EFCAB6: variants seen among roughly 807,000 people sequenced by gnomAD.
EFCAB6 encodes EF-hand calcium-binding domain-containing protein 6.
A neutral mutation model predicts 169.8 loss-of-function variants in EFCAB6; 156 were observed. The observed-to-expected ratio is 0.92, with a 90% CI of 0.81 to 1.05. The LOEUF is 1.05. Among genes scored for constraint, EFCAB6 ranks in the 50% least tolerant of loss-of-function variants. The pLI, the probability that EFCAB6 is intolerant of heterozygous loss-of-function variation, is 0.00. For synonymous variants in EFCAB6, 698 were observed against 676.4 expected (o/e 1.03, Z -0.50); for missense variants, 1,800 against 1,829.1 (o/e 0.98, Z 0.29).
rs565041327 is a variant in EFCAB6, at chr22:43,665,047, A to C, written c.1983+2057T>G. On this transcript the variant is annotated intron_variant, in intron 17 of 31. Coordinates refer to ENST00000262726, the MANE Select transcript of EFCAB6 (RefSeq NM_022785.4). Reference sequence around the variant, plus strand: ...AATTGGATGTGGGTACAAGAGGAAGAGGAGACTCAGTAAAGATGACTAGAT... The same window carrying C: ...AATTGGATGTGGGTACAAGAGGAAGCGGAGACTCAGTAAAGATGACTAGAT... Among the ~76,000 whole-genome samples the C allele has an allele frequency of 3.9e-5, 6 of 152,290 alleles. No individual in the cohort carries two copies. The East Asian group carries it at 1.2e-3, about 29-fold the overall frequency.
intron 5 of EFCAB6, among the ~76,000 whole-genome samples, chr22:43,757,798 T>A (rs553609464): frequency 6.6e-6 from 1 of 152,250 alleles, no homozygotes; most frequent in East Asian, 1.9e-4. Context: ...CTTATCTACA[T>A]CTTGCTTCCC....
intron 24 of EFCAB6, among the ~76,000 whole-genome samples, chr22:43,583,251 G>A (rs1461389186): frequency 1.3e-5 from 2 of 151,462 alleles, no homozygotes; most frequent in Non-Finnish European, 2.9e-5. Context: ...CCCATGCTTG[G>A]TTCTTTGTAT....
chr22:43,775,895 G>C (rs2147998020), intron 3 of EFCAB6, among the ~76,000 whole-genome samples: 1 of 152,338 alleles, frequency 6.6e-6, no homozygotes, highest in South Asian at 2.1e-4. Context: ...GCCATTCGAG[G>C]ACTCTGGCCC....
chr22:43,726,276 CAAAAAAAAAAAA>C (rs3994547), intron 8 of EFCAB6, among the ~76,000 whole-genome samples: 44 of 59,368 alleles, frequency 7.4e-4, no homozygotes, highest in African/African-American at 3.2e-3. Context: ...AAAAATTCAC[CAAAAAAAAAAAA>C]AAAAAAAAAA....
intron 10 of EFCAB6, among the ~76,000 whole-genome samples, chr22:43,707,694 G>T (rs879381650): frequency 6.6e-6 from 1 of 152,032 alleles, no homozygotes; most frequent in Non-Finnish European, 1.5e-5. Flanking sequence ...AGATATTTTT[G>T]AAAACAAAAA....
intron 26 of EFCAB6, among the ~76,000 whole-genome samples, chr22:43,558,406 A>G (rs2048829530): frequency 6.6e-6 from 1 of 151,110 alleles, no homozygotes; most frequent in Admixed American, 6.6e-5. Context: ...ACACAGGCAT[A>G]CCTCATTTTT....
chr22:43,651,815 T>C (rs1045725212), intron 17 of EFCAB6, among the ~76,000 whole-genome samples: 1 of 152,186 alleles, frequency 6.6e-6, no homozygotes, highest in Non-Finnish European at 1.5e-5. Flanking sequence ...AGCTTTAAGA[T>C]TTGACTGCCC....
chr22:43,539,578 G>T (rs924490283), intron 28 of EFCAB6, among the ~76,000 whole-genome samples: 1 of 152,142 alleles, frequency 6.6e-6, no homozygotes, highest in Non-Finnish European at 1.5e-5. Context: ...AAAAAAAGAG[G>T]CTTGGCAAGC....
intron 3 of EFCAB6, among the ~76,000 whole-genome samples, chr22:43,774,407 C>G (rs1433247622): frequency 6.6e-6 from 1 of 151,448 alleles, no homozygotes; most frequent in Non-Finnish European, 1.5e-5. Context: ...GACCCTAACC[C>G]CATGAGCCAC....
chr22:43,582,335 T>TAC (rs1348416599), intron 24 of EFCAB6, among the ~76,000 whole-genome samples: 81 of 124,316 alleles, frequency 6.5e-4, no homozygotes, highest in African/African-American at 2.1e-3. Context: ...TTCCTTTCTA[T>TAC]ACACATACAC....
At position 43,719,721 on chromosome 22, in the gene EFCAB6, T is replaced by C. The variant is rs576072940; in HGVS notation, c.758-2749A>G. 8.5e-5 allele frequency among the ~76,000 whole-genome samples: 13 copies of C among 152,302 alleles called. No individual in the cohort carries two copies. The East Asian group carries it at 2.3e-3, about 27-fold the overall frequency. On this transcript the variant is annotated intron_variant, in intron 8 of 31. Coordinates refer to ENST00000262726, the MANE Select transcript of EFCAB6 (RefSeq NM_022785.4). ...TTGTTTCCTTATTTACAAGAAGAGATAGAAAACAGTACCTTTGTCATGGAA... is the reference window on the plus strand; with the variant it reads ...TTGTTTCCTTATTTACAAGAAGAGACAGAAAACAGTACCTTTGTCATGGAA...
intron 4 of EFCAB6, among the ~76,000 whole-genome samples, chr22:43,770,305 C>T (rs369141579): frequency 4.6e-5 from 7 of 152,288 alleles, no homozygotes; most frequent in Admixed American, 6.5e-5. Context: ...CTGACCTACT[C>T]ACAGTATGCT....
At chr22:43,796,716 G>T (rs5764305) in intron 2 of EFCAB6, among the ~76,000 whole-genome samples, 133,562 of 152,206 alleles carry the variant, frequency 0.88, 58,659 homozygotes, top group East Asian at 0.99. Flanking sequence ...AGACAAGGAG[G>T]GCTGAGCACA....
intron 28 of EFCAB6, among the ~76,000 whole-genome samples, chr22:43,539,911 C>T (rs1263064876): frequency 6.6e-6 from 1 of 152,200 alleles, no homozygotes; most frequent in Non-Finnish European, 1.5e-5. Context: ...TTCCATCCCA[C>T]TCCTCCACCG....
At chr22:43,541,117 G>A (rs2047691018) in intron 27 of EFCAB6, among the ~76,000 whole-genome samples, 1 of 152,232 alleles carries the variant, frequency 6.6e-6, no homozygotes, top group South Asian at 2.1e-4. Flanking sequence ...CAACACAGCT[G>A]ATGGAGAGGC....
chr22:43,564,483 T>A (rs112790534), intron 26 of EFCAB6, among the ~76,000 whole-genome samples: 9,478 of 150,074 alleles, frequency 0.063, 353 homozygotes, highest in Admixed American at 0.098. Context: ...GAAGGTGCTG[T>A]CCTCCCTGGC....
intron 6 of EFCAB6, among the ~76,000 whole-genome samples, chr22:43,750,074 C>T (rs1351078740): frequency 6.6e-6 from 1 of 152,030 alleles, no homozygotes; most frequent in Non-Finnish European, 1.5e-5. Flanking sequence ...TAAACATTTA[C>T]CCCTACAATC....
At chr22:43,803,977 T>C (rs1214605242) in intron 2 of EFCAB6, among the ~76,000 whole-genome samples, 2 of 152,122 alleles carry the variant, frequency 1.3e-5, no homozygotes, top group East Asian at 3.9e-4. Context: ...CTCCCAAGTA[T>C]CTAGGATTAT....
chr22:43,704,231 A>C (rs2058870359), intron 10 of EFCAB6, among the ~76,000 whole-genome samples: 1 of 152,162 alleles, frequency 6.6e-6, no homozygotes, highest in Non-Finnish European at 1.5e-5. Flanking sequence ...CTAATGGGGA[A>C]AAAAACCCTG....
Sources: allele counts gnomAD v4.1 joint callset (sites outside exome capture counted in the v4.1 genomes callset), GRCh38; gene constraint gnomAD v4.1.1; transcripts MANE v1.5; gene names NCBI Gene and HGNC (gene_info 2026-07-23, HGNC 2026-07-21).